The following MTMR7 variants were observed in gnomAD, a reference collection of about 807,000 sequenced individuals.
The protein encoded by MTMR7 is myotubularin related protein 7, also known as phosphatidylinositol-3-phosphate phosphatase MTMR7.
A neutral mutation model predicts 81.2 loss-of-function variants in MTMR7; 76 were observed. That is an observed-to-expected ratio of 0.94 (90% CI 0.78 to 1.13). The LOEUF (loss-of-function observed/expected upper bound fraction) is 1.13. MTMR7 is among the 50% of genes most tolerant of loss of function. The probability of loss-of-function intolerance (pLI) is 0.00; values close to 1 mark genes in which losing one functional copy is unlikely to be tolerated. For missense variants in MTMR7, 1,044 were observed against 820.0 expected (o/e 1.27, Z -3.34); for synonymous variants, 372 against 289.8 (o/e 1.28, Z -2.88).
intron 7 of MTMR7, among the ~76,000 whole-genome samples, chr8:17,324,486 T>G (rs939085365): frequency 6.6e-6 from 1 of 152,242 alleles, no homozygotes; most frequent in Non-Finnish European, 1.5e-5. Context: ...ATCCATGCTC[T>G]TCCTCTAGCC....
chr8:17,370,648 G>A (rs746063576), intron 3 of MTMR7, among the ~76,000 whole-genome samples: 10 of 149,802 alleles, frequency 6.7e-5, no homozygotes, highest in Admixed American at 1.3e-4. Flanking sequence ...AGAAAACTGC[G>A]CTAGAACTGT....
intron 7 of MTMR7, among the ~76,000 whole-genome samples, chr8:17,322,472 G>A (rs930526706): frequency 6.6e-6 from 1 of 152,152 alleles, no homozygotes; most frequent in Non-Finnish European, 1.5e-5. Flanking sequence ...GGTTTAACAC[G>A]TGGTAAGGAA....
intron 1 of MTMR7, among the ~76,000 whole-genome samples, chr8:17,393,617 A>G (rs1160383311): frequency 6.6e-6 from 1 of 152,222 alleles, no homozygotes; most frequent in Non-Finnish European, 1.5e-5. Context: ...CAAACATTGC[A>G]TGTTTTCACT....
At chr8:17,358,251 A>G (rs1819954871) in intron 4 of MTMR7, among the ~76,000 whole-genome samples, 1 of 152,218 alleles carries the variant, frequency 6.6e-6, no homozygotes, top group African/African-American at 2.4e-5. Context: ...TCTGACAAAG[A>G]GAAAGAAACA....
intron 1 of MTMR7, among the ~76,000 whole-genome samples, chr8:17,381,082 A>T (rs1208038924): frequency 6.6e-6 from 1 of 152,202 alleles, no homozygotes. Context: ...AAAAAAAAGC[A>T]AAAGGGTGAA....
chr8:17,410,632 C>CTT (rs1037232954), intron 1 of MTMR7, among the ~76,000 whole-genome samples: 2 of 152,148 alleles, frequency 1.3e-5, no homozygotes, highest in African/African-American at 4.8e-5. Flanking sequence ...AAGCACTCTG[C>CTT]TTAGCATATG....
Position 17,315,724 on chromosome 8 carries a change from A to G in MTMR7, c.866-2323T>C, listed in dbSNP as rs546086597. Among the ~76,000 whole-genome samples the G allele has an allele frequency of 1.6e-4, 25 of 152,304 alleles. 1 individual carries two copies. The South Asian group carries it at 5.2e-3, about 32-fold the overall frequency. ...CTCTTAAGAAAAAAAAACAAAACAG[A>G]AAAAAGGCTGGGCACAGTGCCTCAC... On this transcript the variant is annotated intron_variant, in intron 7 of 13. Transcript: ENST00000180173.
intron 5 of MTMR7, among the ~76,000 whole-genome samples, chr8:17,346,320 G>A (rs1445850284): frequency 6.6e-6 from 1 of 152,150 alleles, no homozygotes; most frequent in Non-Finnish European, 1.5e-5. Flanking sequence ...ACTTCCCTGG[G>A]GTAACCCGAT....
At chr8:17,390,151 T>C (rs1205628904) in intron 1 of MTMR7, among the ~76,000 whole-genome samples, 2 of 152,076 alleles carry the variant, frequency 1.3e-5, no homozygotes, top group Admixed American at 1.3e-4. Context: ...CACTGGGTAA[T>C]TTATAAAGAG....
chr8:17,316,661 A>T (rs1818092536), intron 7 of MTMR7, among the ~76,000 whole-genome samples: 1 of 152,210 alleles, frequency 6.6e-6, no homozygotes, highest in South Asian at 2.1e-4. Flanking sequence ...AAAAATAAAA[A>T]TAACAATACA....
intron 1 of MTMR7, among the ~76,000 whole-genome samples, chr8:17,396,598 T>C (rs1821259230): frequency 6.6e-6 from 1 of 152,118 alleles, no homozygotes; most frequent in Non-Finnish European, 1.5e-5. Flanking sequence ...CAAGCCTCAC[T>C]ACTGCAGGCT....
At chr8:17,404,305 G>A (rs908706484) in intron 1 of MTMR7, among the ~76,000 whole-genome samples, 3 of 152,158 alleles carry the variant, frequency 2.0e-5, no homozygotes, top group Admixed American at 1.3e-4. Flanking sequence ...ATTGGCTCCA[G>A]CACTGGAACG....
intron 1 of MTMR7, among the ~76,000 whole-genome samples, chr8:17,407,220 C>T (rs1365168750): frequency 6.6e-6 from 1 of 151,758 alleles, no homozygotes; most frequent in East Asian, 1.9e-4. Flanking sequence ...CAAAAAGTAA[C>T]AAAATGGTCA....
At chr8:17,394,195 A>G (rs530732538) in intron 1 of MTMR7, among the ~76,000 whole-genome samples, 5 of 152,378 alleles carry the variant, frequency 3.3e-5, no homozygotes, top group African/African-American at 1.2e-4. Flanking sequence ...TCCTGAGTAT[A>G]TACCCAAGAG....
intron 9 of MTMR7, 147 bp from the exon 10 acceptor site, chr8:17,309,473 C>A: frequency 1.5e-6 from 1 of 661,186 alleles, no homozygotes; most frequent in Admixed American, 2.8e-5. Flanking sequence ...CATTATCCAC[C>A]CATATAGAGA....
Position 17,361,290 on chromosome 8 carries a change from G to C in MTMR7, c.311-16C>G. On this transcript the variant is annotated splice_polypyrimidine_tract_variant and intron_variant, in intron 3 of 13. Transcript: ENST00000180173. ...TCATATTTCACTGCAAGAAAAGGTAGGATAAAGTTAAATCAAGCTTAGTCA... is the reference window on the plus strand; with the variant it reads ...TCATATTTCACTGCAAGAAAAGGTACGATAAAGTTAAATCAAGCTTAGTCA... The C allele has an allele frequency of 6.2e-7, 1 of 1,613,888 alleles. No individual in the cohort carries two copies. Among genetic ancestry groups the C allele is most frequent in the East Asian group, 2.2e-5 (1 of 44,872 alleles).
chr8:17,310,255 C>T (rs1340622718), intron 9 of MTMR7, among the ~76,000 whole-genome samples: 1 of 152,108 alleles, frequency 6.6e-6, no homozygotes, highest in Non-Finnish European at 1.5e-5. Context: ...CCCTCCTTAA[C>T]CTCCCAAAAT....
At chr8:17,375,730 C>A (rs929932911) in intron 1 of MTMR7, among the ~76,000 whole-genome samples, 2 of 152,188 alleles carry the variant, frequency 1.3e-5, no homozygotes, top group African/African-American at 4.8e-5. Flanking sequence ...GTATGAATCT[C>A]TTGAATGTTC....
chr8:17,400,675 T>C (rs189334955), intron 1 of MTMR7, among the ~76,000 whole-genome samples: 17 of 152,334 alleles, frequency 1.1e-4, no homozygotes, highest in Non-Finnish European at 2.1e-4. Flanking sequence ...CTTATCTAAT[T>C]GTCAGACTTT....
Sources: allele counts gnomAD v4.1 joint callset (sites outside exome capture counted in the v4.1 genomes callset), GRCh38; gene constraint gnomAD v4.1.1; transcripts MANE v1.5; gene names NCBI Gene and HGNC (gene_info 2026-07-23, HGNC 2026-07-21).